The following GNA14 variants were observed in gnomAD, a reference collection of about 807,000 sequenced individuals.
GNA14 encodes G protein subunit alpha 14, also known as guanine nucleotide-binding protein subunit alpha-14.
GNA14 carries 50 observed loss-of-function variants against 42.0 expected under a neutral mutation model. The ratio of observed to expected loss-of-function variants is 1.19; its 90% confidence interval spans 0.95 to 1.51. The LOEUF is 1.51. Among genes scored for constraint, GNA14 ranks in the 40% most tolerant of loss-of-function variants. The probability of loss-of-function intolerance (pLI) is 0.00; values close to 1 mark genes in which losing one functional copy is unlikely to be tolerated. For missense variants in GNA14, 473 were observed against 446.2 expected (o/e 1.06, Z -0.54); for synonymous variants, 173 against 163.1 (o/e 1.06, Z -0.46).
chr9:77,544,512 G>C (rs561272508), intron 1 of GNA14, among the ~76,000 whole-genome samples: 3 of 152,066 alleles, frequency 2.0e-5, no homozygotes, highest in Non-Finnish European at 4.4e-5. Context: ...AGACCAGCCT[G>C]GCCAACATGG....
chr9:77,529,085 A>C lies in GNA14; in HGVS notation c.293T>G (p.Val98Gly). Residue 98 changes from valine (V) to glycine (G), a missense_variant, in exon 2 of 7, where the codon GTG (valine) becomes GGG (glycine). By Grantham distance (109) the Val-to-Gly change is moderately radical (BLOSUM62 -3). Coordinates refer to ENST00000341700, the MANE Select transcript of GNA14 (RefSeq NM_004297.4). ...RAMDTLRIQY[V>G]CEQNKENAQI... ...GCACGTTACCTTATTCTGTTCACAC[A>C]CATACTGTATCCTTAGCGTGTCCAT... The C allele has an allele frequency of 6.2e-7, 1 of 1,614,126 alleles. No homozygotes were observed. The highest frequency in any genetic ancestry group is 8.5e-7 in the Non-Finnish European group (1 of 1,179,968).
Position 77,423,829 on chromosome 9 carries a change from T to G in GNA14, c.*150A>C, listed in dbSNP as rs1016402688. 1 of 428,286 alleles carries G rather than the reference T, an allele frequency of 2.3e-6. No individual in the cohort carries two copies. The highest frequency in any genetic ancestry group is 2.0e-5 in the African/African-American group (1 of 49,094). The allele number at this position is 428,286 out of a possible 1,614,324, so 26.5% of individuals were successfully genotyped here. A position where few individuals can be genotyped will look rare whatever the true frequency, so the allele number is the denominator to read the frequency against. On this transcript the variant is annotated 3_prime_UTR_variant, in exon 7 of 7. Transcript: ENST00000341700. The stretch of plus-strand genomic sequence containing the variant: ...TTGGTAAACTCAAATATCTTCCAAG[T>G]TCCATCACCCATCTCTGTCCCCACG...
chr9:77,570,405 C>T (rs951179783), intron 1 of GNA14, among the ~76,000 whole-genome samples: 1 of 152,180 alleles, frequency 6.6e-6, no homozygotes, highest in Non-Finnish European at 1.5e-5. Flanking sequence ...CTTGCCCCCA[C>T]CACTGCAGCC....
chr9:77,493,035 A>ATATC (rs1836811244), intron 2 of GNA14, among the ~76,000 whole-genome samples: 3 of 131,370 alleles, frequency 2.3e-5, no homozygotes. Context: ...AAATATATAT[A>ATATC]TATATATATA....
At chr9:77,470,570 T>A (rs1289402345) in intron 2 of GNA14, among the ~76,000 whole-genome samples, 1 of 152,158 alleles carries the variant, frequency 6.6e-6, no homozygotes, top group Non-Finnish European at 1.5e-5. Context: ...TGAATGCCTA[T>A]GAAAGCTATA....
At chr9:77,587,117 C>A (rs1823317836) in intron 1 of GNA14, among the ~76,000 whole-genome samples, 1 of 12,514 alleles carries the variant, frequency 8.0e-5, no homozygotes, top group African/African-American at 1.0e-3. Context: ...GATAGCTATA[C>A]TTAAAAAAAA....
intron 1 of GNA14, among the ~76,000 whole-genome samples, chr9:77,610,164 T>C (rs1823707573): frequency 6.6e-6 from 1 of 152,202 alleles, no homozygotes; most frequent in Non-Finnish European, 1.5e-5. Flanking sequence ...AGCTGTTGTC[T>C]GTTCTTTGGG....
Position 77,461,963 on chromosome 9 carries a change from T to G in GNA14, c.310-27441A>C, listed in dbSNP as rs533133493. On this transcript the variant is annotated intron_variant, in intron 2 of 6. Coordinates refer to ENST00000341700, the MANE Select transcript of GNA14 (RefSeq NM_004297.4). ...TATATAATTGCTTTCTACACGCTTT[T>G]TTGTTGTTGTTGAGAAACCGCTATT... is the stretch of plus-strand genomic sequence containing the variant. Among the ~76,000 whole-genome samples the G allele has an allele frequency of 2.6e-5, 4 of 152,282 alleles. No individual in the cohort carries two copies. In the South Asian group the frequency reaches 8.3e-4, roughly 32 times the overall value.
intron 2 of GNA14, among the ~76,000 whole-genome samples, chr9:77,456,969 G>A: frequency 6.6e-6 from 1 of 152,196 alleles, no homozygotes; most frequent in East Asian, 1.9e-4. Context: ...GGACAGCCAG[G>A]ACTTAGGTTT....
chr9:77,425,172 A>G (rs1835434860), intron 6 of GNA14, among the ~76,000 whole-genome samples: 1 of 152,120 alleles, frequency 6.6e-6, no homozygotes, highest in Admixed American at 6.5e-5. Context: ...AGGATATGAC[A>G]TAGCATGATG....
chr9:77,437,620 G>A (rs1835659842), intron 2 of GNA14, among the ~76,000 whole-genome samples: 1 of 150,594 alleles, frequency 6.6e-6, no homozygotes, highest in Non-Finnish European at 1.5e-5. Context: ...GAAAGGAAGG[G>A]AAAAAGAAAG....
chr9:77,456,187 TAAG>T (rs3837237), intron 2 of GNA14: 97,141 of 151,674 alleles, frequency 0.64, 31,317 homozygotes, highest in East Asian at 0.82. Context: ...CTAGAGAAGA[TAAG>T]AAGTAGTACC....
intron 1 of GNA14, among the ~76,000 whole-genome samples, chr9:77,626,202 A>G (rs922992651): frequency 5.3e-5 from 8 of 152,246 alleles, no homozygotes; most frequent in Admixed American, 3.9e-4. Context: ...TATCCTAAAT[A>G]TATATGCACC....
chr9:77,581,371 G>A (rs1394644703), intron 1 of GNA14, among the ~76,000 whole-genome samples: 2 of 152,132 alleles, frequency 1.3e-5, no homozygotes, highest in Non-Finnish European at 2.9e-5. Flanking sequence ...CCTAGCTATG[G>A]GCAAATCTTC....
chr9:77,454,332 T>G lies in GNA14; in HGVS notation c.310-19810A>C, dbSNP rs185896681. 2.3e-3 allele frequency among the ~76,000 whole-genome samples: 353 copies of G among 152,334 alleles called. 4 individuals are homozygous for G. The highest frequency in any genetic ancestry group is 2.0e-3 in the Non-Finnish European group (137 of 68,040). The stretch of plus-strand genomic sequence containing the variant: ...TACTTCTGTGAACCCCCTTTGTTTT[T>G]GGGTGGCCCATTATCCATTCTCTCT... On this transcript the variant is annotated intron_variant, in intron 2 of 6. Coordinates refer to ENST00000341700, the MANE Select transcript of GNA14 (RefSeq NM_004297.4).
intron 1 of GNA14, among the ~76,000 whole-genome samples, chr9:77,607,848 A>C (rs1049575869): frequency 3.9e-5 from 6 of 152,166 alleles, no homozygotes; most frequent in African/African-American, 1.2e-4. Flanking sequence ...CTTTTCTCAT[A>C]AGGGTGCTAA....
At chr9:77,590,169 G>A (rs1823369689) in intron 1 of GNA14, among the ~76,000 whole-genome samples, 1 of 152,038 alleles carries the variant, frequency 6.6e-6, no homozygotes. Context: ...CACCCCCCTC[G>A]GCCTCCCAAA....
chr9:77,646,715 C>G (rs1564075076), intron 1 of GNA14, among the ~76,000 whole-genome samples: 1 of 152,202 alleles, frequency 6.6e-6, no homozygotes, highest in Non-Finnish European at 1.5e-5. Context: ...AAAAAATTGA[C>G]AGCTGATATC....
chr9:77,612,319 G>A (rs1823747489), intron 1 of GNA14, among the ~76,000 whole-genome samples: 1 of 152,042 alleles, frequency 6.6e-6, no homozygotes, highest in South Asian at 2.1e-4. Context: ...AAAGCTACAA[G>A]GTAGCCAAGG....
Sources: gnomAD v4.1 joint callset for allele counts (sites outside exome capture counted in the v4.1 genomes callset) on GRCh38, gnomAD v4.1.1 for gene constraint, MANE v1.5 for transcripts, NCBI Gene and HGNC (gene_info 2026-07-23, HGNC 2026-07-21) for gene names.